Variants in DLC1 observed in about 807,000 individuals in gnomAD.
DLC1 encodes the protein rho GTPase-activating protein 7.
DLC1 carries 54 observed loss-of-function variants against 140.3 expected under a neutral mutation model. The ratio of observed to expected loss-of-function variants is 0.38; its 90% CI spans 0.31 to 0.48. DLC1 has a LOEUF of 0.48. DLC1 is among the 20% of genes least tolerant of loss of function. The probability of loss-of-function intolerance (pLI) is 0.96; values close to 1 mark genes in which losing one functional copy is unlikely to be tolerated. For missense variants in DLC1, 2,536 were observed against 1,907.0 expected (o/e 1.33, Z -6.14); for synonymous variants, 986 against 728.1 (o/e 1.35, Z -5.70).
intron 5 of DLC1, among the ~76,000 whole-genome samples, chr8:13,259,267 A>G (rs1830386215): frequency 6.6e-6 from 1 of 152,202 alleles, no homozygotes; most frequent in Non-Finnish European, 1.5e-5. Flanking sequence ...CCCCAAGGCC[A>G]TCCAACACAA....
At chr8:13,555,054 G>T (rs183625597) in intron 1 of DLC1, among the ~76,000 whole-genome samples, 34 of 152,140 alleles carry the variant, frequency 2.2e-4, no homozygotes, top group African/African-American at 7.9e-4. Context: ...CTTCTCATTG[G>T]CTGTTCTCTT....
At chr8:13,170,074 G>A (rs1419637924) in intron 5 of DLC1, among the ~76,000 whole-genome samples, 1 of 152,080 alleles carries the variant, frequency 6.6e-6, no homozygotes, top group Non-Finnish European at 1.5e-5. Context: ...TAGGTCCCCT[G>A]AGCTCGAAAA....
At chr8:13,142,597 T>C (rs1431096237) in intron 5 of DLC1, among the ~76,000 whole-genome samples, 1 of 152,168 alleles carries the variant, frequency 6.6e-6, no homozygotes, top group East Asian at 1.9e-4. Context: ...AAAATTAGGA[T>C]AACTACATAT....
At chr8:13,189,985 G>C (rs1239606809) in intron 5 of DLC1, among the ~76,000 whole-genome samples, 1 of 151,986 alleles carries the variant, frequency 6.6e-6, no homozygotes, top group African/African-American at 2.4e-5. Flanking sequence ...GGTTTAGAAG[G>C]ATCCAAAAGA....
At position 13,099,955 on chromosome 8, in the gene DLC1, G is replaced by A. The variant is rs1044924954; in HGVS notation, c.2382C>T (p.Asn794=). ...CTGGGTAGCTCTCGCGGTTCTTAAA[G>A]TTCTGCTCCACCACGTTGTTAAATG... ...QSTFNNVVEQ[N]FKNRESYPED... is the part of the protein sequence containing the mutation. The change falls in exon 9 of 18, where the codon AAC becomes AAT. Residue 794 remains asparagine, a synonymous_variant. Transcript: ENST00000276297. 2 of 1,613,142 alleles carry A rather than the reference G, an allele frequency of 1.2e-6. No homozygotes were observed. The highest frequency in any genetic ancestry group is 1.7e-6 in the Non-Finnish European group (2 of 1,180,036).
At chr8:13,224,809 A>C (rs1234429108) in intron 5 of DLC1, among the ~76,000 whole-genome samples, 1 of 152,120 alleles carries the variant, frequency 6.6e-6, no homozygotes, top group East Asian at 1.9e-4. Flanking sequence ...TCTTCACTGT[A>C]GTTACTCCTC....
intron 2 of DLC1, among the ~76,000 whole-genome samples, chr8:13,476,103 C>G (rs527631993): frequency 6.6e-6 from 1 of 152,080 alleles, no homozygotes; most frequent in African/African-American, 2.4e-5. Context: ...AAAATACATC[C>G]GGTTGAAAGC....
Position 13,499,164 on chromosome 8 carries a change from T to G in DLC1, c.908A>C (p.Gln303Pro). 1 of 1,614,230 alleles carries G rather than the reference T, an allele frequency of 6.2e-7. No homozygotes were observed. Among genetic ancestry groups the G allele is most frequent in the Non-Finnish European group, 8.5e-7 (1 of 1,180,016 alleles). The change falls in exon 2 of 18, where the codon CAA becomes CCA. Residue 303 changes from glutamine (Q) to proline (P), a missense_variant. Coordinates refer to ENST00000276297, the MANE Select transcript of DLC1 (RefSeq NM_182643.3). ...GLEKSGFSQH[Q>P]NKSPPKVKAE... ...CTTGACCTTTGGTGGACTTTTGTTT[T>G]GATGTTGTGAAAAACCACTCTTCTC... is the stretch of plus-strand genomic sequence containing the variant.
At chr8:13,138,083 A>G (rs369872546) in intron 5 of DLC1, among the ~76,000 whole-genome samples, 1 of 152,214 alleles carries the variant, frequency 6.6e-6, no homozygotes, top group East Asian at 1.9e-4. Context: ...GATATTAGTT[A>G]TTATTGATAC....
At chr8:13,142,309 T>C (rs1264895866) in intron 5 of DLC1, among the ~76,000 whole-genome samples, 1 of 152,202 alleles carries the variant, frequency 6.6e-6, no homozygotes, top group African/African-American at 2.4e-5. Flanking sequence ...TATTTGAGGA[T>C]TTATCAGTAG....
At chr8:13,187,851 C>T (rs1322553175) in intron 5 of DLC1, among the ~76,000 whole-genome samples, 2 of 152,138 alleles carry the variant, frequency 1.3e-5, no homozygotes, top group Non-Finnish European at 2.9e-5. Flanking sequence ...TTCCTCGGCT[C>T]CCCAACCCTC....
chr8:13,088,529 T>C lies in DLC1; in HGVS notation c.4250A>G (p.Asn1417Ser), dbSNP rs1255247377. The change falls in exon 16 of 18, where the codon AAC (asparagine) becomes AGC (serine). Residue 1417 changes from asparagine (N) to serine (S), a missense_variant. By Grantham distance (46) the Asn-to-Ser change is conservative (BLOSUM62 1). Transcript: ENST00000276297. ...SQTEIYQYVQ[N>S]SMAPHPARDY... ...TCGAGCAGGATGAGGTGCCATACTG[T>C]TTTGGACATACTGGTAAATTTCAGT... 6.2e-7 allele frequency: 1 copy of C among 1,614,210 alleles called. No individual in the cohort carries two copies. Among genetic ancestry groups the C allele is most frequent in the Non-Finnish European group, 8.5e-7 (1 of 1,180,026 alleles).
upstream of DLC1, among the ~76,000 whole-genome samples, chr8:13,516,816 A>G (rs960322354): frequency 3.3e-5 from 5 of 152,260 alleles, no homozygotes; most frequent in South Asian, 1.0e-3. Flanking sequence ...TTTTGCGTGT[A>G]TTCATATGTT....
chr8:13,349,960 G>A (rs1834558260), intron 4 of DLC1, among the ~76,000 whole-genome samples: 2 of 152,196 alleles, frequency 1.3e-5, no homozygotes. Flanking sequence ...TCTGAGACCA[G>A]CTTTTCCATA....
At chr8:13,406,181 G>GTTTTTTTTTTTTTTTTTT (rs77753653) in intron 2 of DLC1, among the ~76,000 whole-genome samples, 2 of 84,958 alleles carry the variant, frequency 2.4e-5, no homozygotes, top group South Asian at 5.0e-4. Flanking sequence ...TAATTTTTGT[G>GTTTTTTTTTTTTTTTTTT]TTTTTTTTTT....
chr8:13,503,635 C>T (rs1329631469), intron 1 of DLC1, among the ~76,000 whole-genome samples: 1 of 152,148 alleles, frequency 6.6e-6, no homozygotes, highest in African/African-American at 2.4e-5. Flanking sequence ...AGATGAAGTA[C>T]CACTGGCTGA....
intron 2 of DLC1, among the ~76,000 whole-genome samples, chr8:13,429,785 T>C (rs1283477846): frequency 6.6e-6 from 1 of 152,212 alleles, no homozygotes; most frequent in Non-Finnish European, 1.5e-5. Context: ...AATTTTCAGC[T>C]ACGTATAACT....
At chr8:13,583,435 C>A (rs1805185611) in intron 1 of DLC1, among the ~76,000 whole-genome samples, 1 of 152,186 alleles carries the variant, frequency 6.6e-6, no homozygotes. Flanking sequence ...TGCAGCAAGT[C>A]AATCACATCC....
At chr8:13,532,489 T>C (rs1803131456) in intron 1 of DLC1, among the ~76,000 whole-genome samples, 1 of 152,192 alleles carries the variant, frequency 6.6e-6, no homozygotes, top group Non-Finnish European at 1.5e-5. Flanking sequence ...CATGTACAGA[T>C]AAAGTAACTG....
Sources: allele counts gnomAD v4.1 joint callset (sites outside exome capture counted in the v4.1 genomes callset), GRCh38; gene constraint gnomAD v4.1.1; transcripts MANE v1.5; gene names NCBI Gene and HGNC (gene_info 2026-07-23, HGNC 2026-07-21).